The following REDIC1 variants were observed in gnomAD, a reference collection of about 807,000 sequenced individuals.
REDIC1 encodes the protein regulator of DNA class I crossover intermediates 1.
the REDIC1 span, among the ~76,000 whole-genome samples, chr12:39,673,588 G>C: frequency 1.3e-5 from 2 of 152,060 alleles, no homozygotes; most frequent in African/African-American, 2.4e-5. Context: ...CCCCTCTTCT[G>C]TTTCTCAAAC....
chr12:39,666,525 CT>C, the REDIC1 span, among the ~76,000 whole-genome samples: 1 of 152,016 alleles, frequency 6.6e-6, no homozygotes, highest in Non-Finnish European at 1.5e-5. Context: ...GTCTAAAGTT[CT>C]CTTTTTTTGT....
At chr12:39,677,460 C>T in the REDIC1 span, among the ~76,000 whole-genome samples, 3 of 151,940 alleles carry the variant, frequency 2.0e-5, no homozygotes, top group African/African-American at 4.8e-5. Context: ...TACCACTAGA[C>T]CTAAGAAATG....
the REDIC1 span, among the ~76,000 whole-genome samples, chr12:39,693,137 G>A: frequency 0.87 from 131,817 of 152,074 alleles, 57,379 homozygotes; most frequent in African/African-American, 0.92. Flanking sequence ...TATCTCCTAT[G>A]TATATTTTAT....
At chr12:39,696,506 G>A in the REDIC1 span, among the ~76,000 whole-genome samples, 53 of 108,984 alleles carry the variant, frequency 4.9e-4, no homozygotes, top group Non-Finnish European at 7.0e-4. Flanking sequence ...TCCCGCCACT[G>A]CACTCCAGCC....
At chr12:39,830,987 C>T in the REDIC1 span, among the ~76,000 whole-genome samples, 1 of 152,160 alleles carries the variant, frequency 6.6e-6, no homozygotes, top group Non-Finnish European at 1.5e-5. Flanking sequence ...AAGCAAAAAC[C>T]TTTAGAGGGC....
chr12:39,895,402 A>G, the REDIC1 span, among the ~76,000 whole-genome samples: 1 of 149,258 alleles, frequency 6.7e-6, no homozygotes, highest in Non-Finnish European at 1.5e-5. Flanking sequence ...AGGCAGGAGA[A>G]TGGCCTGAAC....
At chr12:39,870,985 C>CTT in the REDIC1 span, among the ~76,000 whole-genome samples, 1 of 152,124 alleles carries the variant, frequency 6.6e-6, no homozygotes, top group Non-Finnish European at 1.5e-5. Context: ...TGGAAACTAT[C>CTT]TTTTAATGGA....
the REDIC1 span, among the ~76,000 whole-genome samples, chr12:39,730,895 T>C: frequency 6.6e-6 from 1 of 152,230 alleles, no homozygotes; most frequent in Non-Finnish European, 1.5e-5. Context: ...CTTTATTTCA[T>C]TAAGTTGATC....
chr12:39,696,874 A>T, the REDIC1 span, among the ~76,000 whole-genome samples: 2 of 152,062 alleles, frequency 1.3e-5, no homozygotes, highest in African/African-American at 4.8e-5. Flanking sequence ...GAAAATACAC[A>T]GTCAGAGGAG....
chr12:39,703,258 A>T, the REDIC1 span, among the ~76,000 whole-genome samples: 2 of 150,716 alleles, frequency 1.3e-5, no homozygotes, highest in Non-Finnish European at 3.0e-5. Context: ...AAATCAATGT[A>T]CAAAAATCAC....
At chr12:39,835,257 C>T in the REDIC1 span, among the ~76,000 whole-genome samples, 1 of 152,030 alleles carries the variant, frequency 6.6e-6, no homozygotes, top group East Asian at 1.9e-4. Context: ...CATTGTCTAA[C>T]AATCCACCCA....
At chr12:39,763,934 A>G in the REDIC1 span, among the ~76,000 whole-genome samples, 1 of 152,072 alleles carries the variant, frequency 6.6e-6, no homozygotes, top group Non-Finnish European at 1.5e-5. Context: ...GAGGACACTG[A>G]AATGCACAAG....
the REDIC1 span, among the ~76,000 whole-genome samples, chr12:39,891,918 T>A: frequency 1.3e-5 from 2 of 152,214 alleles, no homozygotes; most frequent in Non-Finnish European, 2.9e-5. Context: ...TCTAAAAAAA[T>A]TATTGATACC....
chr12:39,871,665 A>G, the REDIC1 span: 5 of 872,992 alleles, frequency 5.7e-6, no homozygotes, highest in Non-Finnish European at 8.1e-6. Flanking sequence ...TTGGTCTAGA[A>G]GAACTCTAAT....
the REDIC1 span, among the ~76,000 whole-genome samples, chr12:39,774,933 A>G: frequency 6.6e-6 from 1 of 152,210 alleles, no homozygotes; most frequent in Non-Finnish European, 1.5e-5. Flanking sequence ...CTATAGCAAT[A>G]GTGGTACAGT....
chr12:39,896,316 G>C, the REDIC1 span, among the ~76,000 whole-genome samples: 1 of 123,870 alleles, frequency 8.1e-6, no homozygotes, highest in Non-Finnish European at 1.7e-5. Context: ...ATACATATAT[G>C]TATGTATATG....
the REDIC1 span, among the ~76,000 whole-genome samples, chr12:39,867,582 T>C: frequency 2.0e-5 from 3 of 152,160 alleles, no homozygotes; most frequent in African/African-American, 7.2e-5. Flanking sequence ...TACATCTATC[T>C]CTTAAGGTCC....
chr12:39,682,120 C>T, the REDIC1 span, among the ~76,000 whole-genome samples: 17 of 152,132 alleles, frequency 1.1e-4, no homozygotes, highest in African/African-American at 3.9e-4. Flanking sequence ...TTATATTGCT[C>T]TTCCTTGGGA....
the REDIC1 span, among the ~76,000 whole-genome samples, chr12:39,653,723 A>G: frequency 6.6e-5 from 10 of 152,070 alleles, no homozygotes; most frequent in African/African-American, 2.4e-4. Flanking sequence ...AGCAGTGGCA[A>G]GAGCAGATGT....
Sources: gnomAD v4.1 joint callset for allele counts (sites outside exome capture counted in the v4.1 genomes callset) on GRCh38, gnomAD v4.1.1 for gene constraint, MANE v1.5 for transcripts, NCBI Gene and HGNC (gene_info 2026-07-23, HGNC 2026-07-21) for gene names.